Variants in SGCD observed in about 807,000 individuals in gnomAD.
SGCD encodes the protein sarcoglycan delta, also known as delta-sarcoglycan.
A neutral mutation model predicts 36.6 loss-of-function variants in SGCD; 18 were observed. The observed-to-expected ratio is 0.49, with a 90% CI of 0.34 to 0.73. The LOEUF (loss-of-function observed/expected upper bound fraction) is 0.73. Ranked by LOEUF, SGCD falls within the 30% of genes least tolerant of loss-of-function variation. The pLI is 0.01. For synonymous variants in SGCD, 133 were observed against 130.6 expected, an observed-to-expected ratio of 1.02 and a Z score of -0.12; for missense variants, 387 against 346.7, an observed-to-expected ratio of 1.12 and a Z score of -0.92.
chr5:155,983,526 C>T (rs1378747440), intron 1 of SGCD, among the ~76,000 whole-genome samples: 2 of 152,176 alleles, frequency 1.3e-5, no homozygotes, highest in Non-Finnish European at 2.9e-5. Flanking sequence ...TCTCTAACTC[C>T]TGACCTCAGA....
intron 3 of SGCD, among the ~76,000 whole-genome samples, chr5:156,287,964 G>A (rs917981095): frequency 2.6e-5 from 4 of 152,116 alleles, no homozygotes; most frequent in Non-Finnish European, 4.4e-5. Context: ...TGGACAAAAT[G>A]TAGCCATGAC....
intron 3 of SGCD, among the ~76,000 whole-genome samples, chr5:156,226,373 T>C (rs1458084906): frequency 6.6e-6 from 1 of 152,194 alleles, no homozygotes; most frequent in African/African-American, 2.4e-5. Context: ...TCCAATCTCA[T>C]CCAGGTCACT....
chr5:155,965,989 G>T lies in SGCD; in HGVS notation c.-282+95565G>T, dbSNP rs569458575. 1.4e-4 allele frequency among the ~76,000 whole-genome samples: 21 copies of T among 152,128 alleles called. No individual in the cohort carries two copies. In the East Asian group the frequency reaches 4.1e-3, roughly 29 times the overall value. On this transcript the variant is annotated intron_variant, in intron 1 of 9. Transcript: ENST00000517913. ...AGGAAAAAAAATTTCCCTGCCTGAT[G>T]CTCCCTTCATGAATTTGCTTCTTTG...
intron 3 of SGCD, among the ~76,000 whole-genome samples, chr5:156,159,646 T>A (rs1763044200): frequency 6.6e-6 from 1 of 151,670 alleles, no homozygotes; most frequent in South Asian, 2.1e-4. Flanking sequence ...GAATAAACAT[T>A]GGATAAATAA....
intron 3 of SGCD, among the ~76,000 whole-genome samples, chr5:156,240,979 C>G (rs1462940950): frequency 6.6e-6 from 1 of 152,034 alleles, no homozygotes; most frequent in Admixed American, 6.6e-5. Context: ...TATTAAATGA[C>G]CAATTCTTTC....
chr5:156,368,541 T>G (rs1770224824), intron 3 of SGCD, among the ~76,000 whole-genome samples: 1 of 152,242 alleles, frequency 6.6e-6, no homozygotes. Flanking sequence ...TCAAGGCTTC[T>G]GTAGCTTCAT....
intron 3 of SGCD, among the ~76,000 whole-genome samples, chr5:156,187,956 C>T (rs1763802856): frequency 6.6e-6 from 1 of 152,120 alleles, no homozygotes; most frequent in South Asian, 2.1e-4. Flanking sequence ...AATATGTGTT[C>T]TTAACAGTGA....
intron 1 of SGCD, among the ~76,000 whole-genome samples, chr5:156,107,764 A>G (rs1412156930): frequency 1.6e-4 from 24 of 152,094 alleles, no homozygotes; most frequent in Non-Finnish European, 7.4e-5. Flanking sequence ...TCTGCCGTTT[A>G]TAGATTTATG....
intron 3 of SGCD, among the ~76,000 whole-genome samples, chr5:156,351,570 A>C (rs919259728): frequency 1.3e-5 from 2 of 151,742 alleles, no homozygotes; most frequent in African/African-American, 4.8e-5. Flanking sequence ...GGCACATAGT[A>C]AACACTTTAT....
chr5:156,044,361 A>C (rs1334672347), intron 1 of SGCD, among the ~76,000 whole-genome samples: 1 of 152,168 alleles, frequency 6.6e-6, no homozygotes, highest in Non-Finnish European at 1.5e-5. Context: ...GTCAGACCAG[A>C]AGATGGTATT....
At chr5:155,741,802 C>T in the SGCD span, among the ~76,000 whole-genome samples, 6,285 of 151,258 alleles carry the variant, frequency 0.042, 262 homozygotes, top group African/African-American at 0.1. Context: ...AAGCAATTCT[C>T]ATGCCTCAGC....
chr5:155,990,053 T>C lies in SGCD; in HGVS notation c.-282+119629T>C, dbSNP rs575770399. Among the ~76,000 whole-genome samples, 6 of 152,318 alleles carry C rather than the reference T, an allele frequency of 3.9e-5. No homozygotes were observed. The South Asian group carries it at 6.2e-4, about 16-fold the overall frequency. On this transcript the variant is annotated intron_variant, in intron 1 of 9. Transcript: ENST00000517913. ...ACTTCTGGGAAACAGCCTTGAAGTCTTGAAACACATTATGTCAGGTTGAAA... is the reference window on the plus strand; with the variant it reads ...ACTTCTGGGAAACAGCCTTGAAGTCCTGAAACACATTATGTCAGGTTGAAA...
intron 1 of SGCD, among the ~76,000 whole-genome samples, chr5:155,997,005 T>C (rs1474553398): frequency 3.3e-5 from 5 of 152,110 alleles, no homozygotes; most frequent in Non-Finnish European, 4.4e-5. Flanking sequence ...TCCATATGTT[T>C]AATAGCAAGT....
the SGCD span, among the ~76,000 whole-genome samples, chr5:155,794,349 G>C: frequency 6.6e-6 from 1 of 152,000 alleles, no homozygotes; most frequent in East Asian, 1.9e-4. Flanking sequence ...CCTGTCAATA[G>C]AATATAATAT....
chr5:156,026,191 T>C (rs1305880537), intron 1 of SGCD, among the ~76,000 whole-genome samples: 2 of 152,190 alleles, frequency 1.3e-5, no homozygotes, highest in Non-Finnish European at 2.9e-5. Flanking sequence ...TGTTGTTAGA[T>C]TGACAACAAA....
chr5:156,175,159 TAGAGAAA>T (rs1763435150), intron 3 of SGCD, among the ~76,000 whole-genome samples: 1 of 152,090 alleles, frequency 6.6e-6, no homozygotes, highest in African/African-American at 2.4e-5. Context: ...AATAGGTGAA[TAGAGAAA>T]AGAGACTGTA....
At chr5:155,873,020 A>T (rs960720761) in intron 1 of SGCD, among the ~76,000 whole-genome samples, 14 of 152,198 alleles carry the variant, frequency 9.2e-5, no homozygotes, top group Admixed American at 6.5e-4. Flanking sequence ...TTGCAGCTTC[A>T]TCAGAGCCTT....
At chr5:156,047,837 T>C (rs1759811131) in intron 1 of SGCD, among the ~76,000 whole-genome samples, 1 of 152,148 alleles carries the variant, frequency 6.6e-6, no homozygotes, top group Admixed American at 6.5e-5. Flanking sequence ...TTTTTTTTAA[T>C]TATACTTTAA....
intron 7 of SGCD, among the ~76,000 whole-genome samples, chr5:156,657,455 T>A (rs969346999): frequency 9.7e-5 from 14 of 144,722 alleles, no homozygotes; most frequent in African/African-American, 3.6e-4. Context: ...GTCCATGTGT[T>A]CTCATTAAAA....
Sources: gnomAD v4.1 joint callset for allele counts (sites outside exome capture counted in the v4.1 genomes callset) on GRCh38, gnomAD v4.1.1 for gene constraint, MANE v1.5 for transcripts, NCBI Gene and HGNC (gene_info 2026-07-23, HGNC 2026-07-21) for gene names.